ZNF628: variants seen among roughly 807,000 people sequenced by gnomAD.
The protein encoded by ZNF628 is zinc finger protein Zec.
In ZNF628, 3 loss-of-function variants were observed where a neutral mutation model predicts 2.5. That is an observed-to-expected ratio of 1.19 (90% confidence interval 0.54 to 3.07). The LOEUF is 3.07. ZNF628 is among the 30% of genes most tolerant of loss of function. ZNF628 has a pLI of 0.03. For synonymous variants in ZNF628, 861 were observed against 717.1 expected, an observed-to-expected ratio of 1.20 and a Z score of -3.21; for missense variants, 1,610 against 1,517.1, an observed-to-expected ratio of 1.06 and a Z score of -1.02.
chr19:55,483,949 T>C lies in ZNF628; in HGVS notation c.2756T>C (p.Val919Ala), dbSNP rs764601137. The change falls in exon 3 of 3, where the codon GTC becomes GCC. Residue 919 changes from valine to alanine, a missense_variant. Physicochemically the swap from Val to Ala is moderately conservative, Grantham distance 64. Around this residue, in one of 5 missense-constraint regions of ZNF628, gnomAD observed 712 missense variants for 603.6 expected, o/e 1.18. Coordinates refer to ENST00000598519, the MANE Select transcript of ZNF628 (RefSeq NM_033113.3). ...GATGGCGAGGCCAGCACTGGTGTGG[T>C]CCAGGATGTCCTCTTTGAGACACTC... The part of the protein sequence containing the change: ...AGDGEASTGV[V>A]QDVLFETLQT... 2.7e-5 allele frequency: 42 copies of C among 1,570,434 alleles called. No individual in the cohort carries two copies. The Middle Eastern group carries it at 6.7e-4, about 25-fold the overall frequency.
At position 55,481,693 on chromosome 19, in the gene ZNF628, G is replaced by A. The variant is rs1986705947; in HGVS notation, c.500G>A (p.Arg167His). 4.3e-6 allele frequency: 7 copies of A among 1,610,552 alleles called. No individual in the cohort carries two copies. The highest frequency in any genetic ancestry group is 2.7e-5 in the African/African-American group (2 of 74,076). The stretch of plus-strand genomic sequence containing the variant: ...AACTCGTCCAGCCTGCGGCGCCACC[G>A]CCACGTGCACACCGGCGAGCGGCCC... ...FKNSSSLRRH[R>H]HVHTGERPYT... Residue 167 changes from arginine (R) to histidine (H), a missense_variant, in exon 3 of 3, where the codon CGC (arginine) becomes CAC (histidine). Arg to His is a conservative substitution (Grantham distance 29, BLOSUM62 0). Transcript: ENST00000598519.
At chr19:55,478,586 T>C (rs1035473190) in intron 1 of ZNF628, among the ~76,000 whole-genome samples, 2 of 152,204 alleles carry the variant, frequency 1.3e-5, no homozygotes, top group Non-Finnish European at 2.9e-5. Context: ...AGGAATGCAA[T>C]GCCCAGCCCT....
chr19:55,484,401 C>A lies in ZNF628; in HGVS notation c.*28C>A. The A allele has an allele frequency of 7.0e-7, 1 of 1,430,082 alleles. No homozygotes were observed. Among genetic ancestry groups the A allele is most frequent in the Middle Eastern group, 2.6e-4 (1 of 3,860 alleles). 88.6% of individuals were successfully genotyped at this position (1,430,082 alleles called of 1,614,324 possible). On this transcript the variant is annotated 3_prime_UTR_variant, in exon 3 of 3. Coordinates refer to ENST00000598519, the MANE Select transcript of ZNF628 (RefSeq NM_033113.3). ...AGAGGCAGTGATTCCCCTCCCGCCC[C>A]GCACAGAGACCCCGACTCACTGCCA...
Position 55,481,228 on chromosome 19 carries a change from T to TGG in ZNF628, c.36_37dup (p.Ala13GlyfsTer128). The TGG allele has an allele frequency of 6.4e-7, 1 of 1,565,924 alleles. No individual in the cohort carries two copies. The highest frequency in any genetic ancestry group is 8.6e-7 in the Non-Finnish European group (1 of 1,158,916). ...GTGATGGTCGGCTCCCACGCGGACA[T>TGG]GGCGCCGGCCTCTACTGCGGAGGGG... is the stretch of plus-strand genomic sequence containing the variant. On this transcript the variant is annotated frameshift_variant, in exon 3 of 3. Transcript: ENST00000598519. LOFTEE classifies it low-confidence loss of function (END_TRUNC).
rs1455900028 is a variant in ZNF628, at chr19:55,483,326, G to A, written c.2133G>A (p.Thr711=). 4 of 1,536,452 alleles carry A rather than the reference G, an allele frequency of 2.6e-6. No homozygotes were observed. Among genetic ancestry groups the A allele is most frequent in the Non-Finnish European group, 8.7e-7 (1 of 1,143,900 alleles). ...GGCCAGCAGCGCCCAACTCTCAGAC[G>A]TTCCTCCTGGTGCAAACTGCCCAGG... ...SLGPAAPNSQ[T]FLLVQTAQGL... is the part of the protein sequence containing the mutation. Residue 711 remains threonine, a synonymous_variant, in exon 3 of 3, where the codon ACG becomes ACA. Coordinates refer to ENST00000598519, the MANE Select transcript of ZNF628 (RefSeq NM_033113.3).
In ZNF628 at chr19:55,484,213, G is replaced by A. The variant is rs1179418012; in HGVS notation, c.3020G>A (p.Gly1007Asp). ...TLQLLAPPPSGPASGPAGLPG... is the reference protein window; with the variant it reads ...TLQLLAPPPSDPASGPAGLPG... The stretch of plus-strand genomic sequence containing the variant: ...CAGCTCCTGGCCCCACCGCCGTCAG[G>A]CCCAGCCTCGGGCCCCGCGGGGCTC... Residue 1007 changes from glycine (G) to aspartate (D), a missense_variant, in exon 3 of 3, where the codon GGC (glycine) becomes GAC (aspartate). Gly to Asp is a moderately conservative substitution (Grantham distance 94). Transcript: ENST00000598519. 3 of 1,547,268 alleles carry A rather than the reference G, an allele frequency of 1.9e-6. No individual in the cohort carries two copies. The highest frequency in any genetic ancestry group is 2.6e-6 in the Non-Finnish European group (3 of 1,146,000).
At position 55,478,770 on chromosome 19, in the gene ZNF628, G is replaced by T. The variant is rs989292929; in HGVS notation, c.-77-1064G>T. Among the ~76,000 whole-genome samples the T allele has an allele frequency of 2.0e-5, 3 of 152,292 alleles. No individual in the cohort carries two copies. In the East Asian group the frequency reaches 5.8e-4, roughly 29 times the overall value. On this transcript the variant is annotated intron_variant, in intron 1 of 2. Coordinates refer to ENST00000598519, the MANE Select transcript of ZNF628 (RefSeq NM_033113.3). Reference sequence around the variant, plus strand: ...AGTGGCCAGATCTTGGATATGTTCCGCCTGGAAGGGGAATCTGCGGACAGG... The same window carrying T: ...AGTGGCCAGATCTTGGATATGTTCCTCCTGGAAGGGGAATCTGCGGACAGG...
At position 55,479,403 on chromosome 19, in the gene ZNF628, GGAAGTGGAGT is replaced by G. The variant is rs530151455; in HGVS notation, c.-77-426_-77-417del. On this transcript the variant is annotated intron_variant, in intron 1 of 2. Coordinates refer to ENST00000598519, the MANE Select transcript of ZNF628 (RefSeq NM_033113.3). The surrounding 1 kb of genome is among the most constrained non-coding windows in gnomAD (Gnocchi z 5.1). ...GAGAAACGAGTCTGCAGCTGGACAG[GGAAGTGGAGT>G]GAAGAGCTTTTTGGTTTTTAAAGAT... is the stretch of plus-strand genomic sequence containing the variant. Among the ~76,000 whole-genome samples, 256 of 152,350 alleles carry G rather than the reference GGAAGTGGAGT, an allele frequency of 1.7e-3. 1 individual carries two copies. The highest frequency in any genetic ancestry group is 5.9e-3 in the African/African-American group (244 of 41,568).
rs1986552046 is a variant in ZNF628 at position 55,476,715 on chromosome 19, GC to G, written c.-169del. Reference sequence around the variant, plus strand: ...CTGCCCCCCCTCCCCGGTCCCCACAGCTGCACCGCCGCTGCCGGGGCCCCAC... The same window carrying G: ...CTGCCCCCCCTCCCCGGTCCCCACAGTGCACCGCCGCTGCCGGGGCCCCAC... On this transcript the variant is annotated 5_prime_UTR_variant, in exon 1 of 3. Coordinates refer to ENST00000598519, the MANE Select transcript of ZNF628 (RefSeq NM_033113.3). 6.6e-6 allele frequency: 1 copy of G among 151,974 alleles called. No homozygotes were observed. Among genetic ancestry groups the G allele is most frequent in the Admixed American group, 6.6e-5 (1 of 15,264 alleles). The allele number at this position is 151,974 out of a possible 1,614,324, so 9.4% of individuals were successfully genotyped here.
rs916269556 is a variant in ZNF628, at chr19:55,479,319, A to C, written c.-77-515A>C. 5.1e-4 allele frequency among the ~76,000 whole-genome samples: 77 copies of C among 152,310 alleles called. No homozygotes were observed. Among genetic ancestry groups the C allele is most frequent in the Non-Finnish European group, 1.3e-4 (9 of 68,020 alleles). On this transcript the variant is annotated intron_variant, in intron 1 of 2. Coordinates refer to ENST00000598519, the MANE Select transcript of ZNF628 (RefSeq NM_033113.3). This position sits in a 1 kb window ranked among gnomAD's most constrained non-coding sequence, Gnocchi z 5.1. ...AGTGGGGGCACCCGCGTGGGACTGA[A>C]GGGGTTTGCGCTGGGAAAGAGCGGG...
chr19:55,481,595 C>G lies in ZNF628; in HGVS notation c.402C>G (p.His134Gln), dbSNP rs1261811659. 6.2e-7 allele frequency: 1 copy of G among 1,609,810 alleles called. No homozygotes were observed. Among genetic ancestry groups the G allele is most frequent in the Non-Finnish European group, 8.5e-7 (1 of 1,177,456 alleles). Residue 134 changes from histidine to glutamine, a missense_variant, in exon 3 of 3, where the codon CAC becomes CAG. Physicochemically the swap from His to Gln is conservative, Grantham distance 24 (BLOSUM62 0). Around this residue, in one of 5 missense-constraint regions of ZNF628, gnomAD observed 166 missense variants for 241.3 expected, o/e 0.69. Coordinates refer to ENST00000598519, the MANE Select transcript of ZNF628 (RefSeq NM_033113.3). ...QCGLAFKWSS[H>Q]YQYHLRQHTG... ...GCCTGGCCTTCAAGTGGTCGTCCCA[C>G]TACCAGTACCACTTAAGGCAGCACA... is the stretch of plus-strand genomic sequence containing the variant.
chr19:55,478,358 G>A (rs1033881558), intron 1 of ZNF628, among the ~76,000 whole-genome samples: 12 of 152,352 alleles, frequency 7.9e-5, no homozygotes, highest in Non-Finnish European at 1.5e-4. Context: ...GCGAAGACTC[G>A]GAGGTGAAAG....
Position 55,483,169 on chromosome 19 carries a change from G to C in ZNF628, c.1976G>C (p.Gly659Ala), listed in dbSNP as rs764379159. ...TPPSTTAPAA[G>A]PQPPAPLAAA... ...CCCAGCACCACAGCCCCTGCCGCCG[G>C]CCCCCAGCCCCCTGCTCCACTGGCT... The change falls in exon 3 of 3, where the codon GGC becomes GCC. Residue 659 changes from glycine to alanine, a missense_variant. Gly to Ala is a moderately conservative substitution (Grantham distance 60). Coordinates refer to ENST00000598519, the MANE Select transcript of ZNF628 (RefSeq NM_033113.3). The C allele has an allele frequency of 3.3e-5, 51 of 1,548,106 alleles. No individual in the cohort carries two copies. Among genetic ancestry groups the C allele is most frequent in the Middle Eastern group, 3.4e-4 (2 of 5,916 alleles).
Position 55,481,792 on chromosome 19 carries a change from G to A in ZNF628, c.599G>A (p.Gly200Asp), listed in dbSNP as rs753745134. Reference sequence around the variant, plus strand: ...CGGCAGCACCAGCGCGTGCACACGGGCGAGCGGCCCTTCCGCTGCCCGCTC... The same window carrying A: ...CGGCAGCACCAGCGCGTGCACACGGACGAGCGGCCCTTCCGCTGCCCGCTC... ...NLRQHQRVHTGERPFRCPLCP... is the reference protein window; with the variant it reads ...NLRQHQRVHTDERPFRCPLCP... Residue 200 changes from glycine to aspartate, a missense_variant, in exon 3 of 3, where the codon GGC becomes GAC. Gly to Asp is a moderately conservative substitution (Grantham distance 94). Around this residue, in one of 5 missense-constraint regions of ZNF628, gnomAD observed 166 missense variants for 241.3 expected, o/e 0.69. Coordinates refer to ENST00000598519, the MANE Select transcript of ZNF628 (RefSeq NM_033113.3). 6.2e-7 allele frequency: 1 copy of A among 1,605,604 alleles called. No individual in the cohort carries two copies. The highest frequency in any genetic ancestry group is 1.7e-5 in the Admixed American group (1 of 59,170).
rs1046454093 is a variant in ZNF628 at position 55,477,771 on chromosome 19, A to C, written c.-78+964A>C. On this transcript the variant is annotated intron_variant, in intron 1 of 2. Coordinates refer to ENST00000598519, the MANE Select transcript of ZNF628 (RefSeq NM_033113.3). ...AGTGAGACCCTGTCTCCAAAAAAAA[A>C]CAAAAAAAACACACAAGTTCTTGTA... Among the ~76,000 whole-genome samples, 12 of 151,588 alleles carry C rather than the reference A, an allele frequency of 7.9e-5. No individual in the cohort carries two copies. In the East Asian group the frequency reaches 2.1e-3, roughly 27 times the overall value.
Position 55,482,286 on chromosome 19 carries a change from T to G in ZNF628, c.1093T>G (p.Phe365Val). The change falls in exon 3 of 3, where the codon TTC (phenylalanine) becomes GTC (valine). Residue 365 changes from phenylalanine to valine, a missense_variant. By Grantham distance (50) the Phe-to-Val change is conservative. Transcript: ENST00000598519. ...TGCCTGTCTGCCCTGCGGCAAGTCCTTCCGGACGGTGGCTGGGCTCTCCCG... is the reference window on the plus strand; with the variant it reads ...TGCCTGTCTGCCCTGCGGCAAGTCCGTCCGGACGGTGGCTGGGCTCTCCCG... ...GFACLPCGKSFRTVAGLSRHQ... is the reference protein window; with the variant it reads ...GFACLPCGKSVRTVAGLSRHQ... The G allele has an allele frequency of 6.8e-7, 1 of 1,472,066 alleles. No homozygotes were observed. The allele number at this position is 1,472,066 out of a possible 1,614,324, so 91.2% of individuals were successfully genotyped here.
Position 55,483,303 on chromosome 19 carries a change from C to T in ZNF628, c.2110C>T (p.Pro704Ser), listed in dbSNP as rs1986800302. Residue 704 changes from proline (P) to serine (S), a missense_variant, in exon 3 of 3, where the codon CCA becomes TCA. Physicochemically the swap from Pro to Ser is moderately conservative, Grantham distance 74. This residue lies in a region of ZNF628 where 712 missense variants were observed against 603.6 expected (regional missense o/e 1.18). Coordinates refer to ENST00000598519, the MANE Select transcript of ZNF628 (RefSeq NM_033113.3). ...CACGGCCCAGGCCCCGAGCTTGGGG[C>T]CAGCAGCGCCCAACTCTCAGACGTT... Reference protein sequence around the residue: ...GGTAQAPSLGPAAPNSQTFLL... With the variant: ...GGTAQAPSLGSAAPNSQTFLL... The T allele has an allele frequency of 1.1e-5, 16 of 1,522,478 alleles. No homozygotes were observed. The highest frequency in any genetic ancestry group is 1.4e-5 in the Non-Finnish European group (16 of 1,138,598). The allele number at this position is 1,522,478 out of a possible 1,614,324, so 94.3% of individuals were successfully genotyped here.
chr19:55,484,409 G>A lies in ZNF628; in HGVS notation c.*36G>A, dbSNP rs908620597. On this transcript the variant is annotated 3_prime_UTR_variant, in exon 3 of 3. Transcript: ENST00000598519. ...TGATTCCCCTCCCGCCCCGCACAGA[G>A]ACCCCGACTCACTGCCAGCCGGGGC... 19 of 1,421,106 alleles carry A rather than the reference G, an allele frequency of 1.3e-5. No homozygotes were observed. The highest frequency in any genetic ancestry group is 1.8e-5 in the Non-Finnish European group (19 of 1,083,412). The allele number at this position is 1,421,106 out of a possible 1,614,324, so 88.0% of individuals were successfully genotyped here.
intron 1 of ZNF628, among the ~76,000 whole-genome samples, chr19:55,478,769 C>T (rs953957760): frequency 2.0e-5 from 3 of 152,092 alleles, no homozygotes; most frequent in Non-Finnish European, 4.4e-5. Context: ...GGATATGTTC[C>T]GCCTGGAAGG....
Sources: gnomAD v4.1 joint callset for allele counts (sites outside exome capture counted in the v4.1 genomes callset) on GRCh38, gnomAD v4.1.1 for gene constraint, gnomAD v4.1.1 regional missense constraint, Gnocchi (gnomAD v3.1) non-coding constraint, MANE v1.5 for transcripts, NCBI Gene and HGNC (gene_info 2026-07-23, HGNC 2026-07-21) for gene names.